LEO1: variants seen among roughly 807,000 people sequenced by gnomAD.
The protein encoded by LEO1 is LEO1 component of Paf1/RNA polymerase II complex.
In LEO1, 34 loss-of-function variants were observed where a neutral mutation model predicts 80.4. That is an observed-to-expected ratio of 0.42 (90% CI 0.32 to 0.56). The LOEUF (loss-of-function observed/expected upper bound fraction) is 0.56. Among genes scored for constraint, LEO1 ranks in the 20% least tolerant of loss-of-function variants. LEO1 has a pLI of 0.10. For synonymous variants in LEO1, 262 were observed against 274.9 expected, an observed-to-expected ratio of 0.95 and a Z score of 0.46; for missense variants, 631 against 814.2, an observed-to-expected ratio of 0.77 and a Z score of 2.74.
At chr15:51,942,706 G>C (rs2056863946) in intron 11 of LEO1, among the ~76,000 whole-genome samples, 1 of 152,064 alleles carries the variant, frequency 6.6e-6, no homozygotes, top group Non-Finnish European at 1.5e-5. Context: ...TGGATCACCT[G>C]ATGTCAGGAG....
chr15:51,970,882 T>A (rs1566890161), intron 1 of LEO1, among the ~76,000 whole-genome samples: 1 of 152,198 alleles, frequency 6.6e-6, no homozygotes, highest in Non-Finnish European at 1.5e-5. Flanking sequence ...ACTTGGAGGC[T>A]GAGGCAGAAG....
At chr15:51,957,270 C>G (rs2056996933) in intron 6 of LEO1, among the ~76,000 whole-genome samples, 1 of 152,036 alleles carries the variant, frequency 6.6e-6, no homozygotes, top group Non-Finnish European at 1.5e-5. Context: ...GAATAAGGAA[C>G]TACTATATTA....
intron 6 of LEO1, chr15:51,954,933 A>ATTTT (rs34049838): frequency 3.6e-5 from 5 of 140,582 alleles, no homozygotes; most frequent in South Asian, 2.1e-4. Flanking sequence ...TGAGGCAGAA[A>ATTTT]TTTTTTTTTT....
At chr15:51,939,407 T>TA (rs2056829172) in intron 11 of LEO1, among the ~76,000 whole-genome samples, 1 of 152,190 alleles carries the variant, frequency 6.6e-6, no homozygotes, top group South Asian at 2.1e-4. Flanking sequence ...TTATCCCAAA[T>TA]ACATTCCCAC....
rs145965567 is a variant in LEO1, at chr15:51,950,098, C to T, written c.1612-104G>A. ...AGCATGTAATGTCTGGTCCAGATAA[C>T]AGCTGTGCCGTGTGTGTTCCCCATC... On this transcript the variant is annotated intron_variant, in intron 9 of 11. Transcript: ENST00000299601. 13 of 1,010,940 alleles carry T rather than the reference C, an allele frequency of 1.3e-5. No individual in the cohort carries two copies. In the East Asian group the frequency reaches 3.1e-4, roughly 24 times the overall value. 62.6% of individuals were successfully genotyped at this position (1,010,940 alleles called of 1,614,324 possible).
intron 1 of LEO1, among the ~76,000 whole-genome samples, chr15:51,970,657 T>C (rs78485643): frequency 5.3e-5 from 8 of 152,210 alleles, no homozygotes; most frequent in East Asian, 1.9e-4. Flanking sequence ...ACAGAAACAA[T>C]AGCAGACAGG....
intron 8 of LEO1, among the ~76,000 whole-genome samples, 153 bp downstream of exon 8, chr15:51,952,976 A>G (rs780440422): frequency 2.0e-5 from 3 of 152,222 alleles, no homozygotes; most frequent in Non-Finnish European, 4.4e-5. Flanking sequence ...ATTTGACAAA[A>G]TAACCTTTGA....
At chr15:51,955,779 A>C (rs1235535695) in intron 6 of LEO1, among the ~76,000 whole-genome samples, 1 of 152,142 alleles carries the variant, frequency 6.6e-6, no homozygotes, top group African/African-American at 2.4e-5. Flanking sequence ...ATGTCTGTGC[A>C]GCTGGGTCCT....
chr15:51,966,571 C>T, intron 1 of LEO1, 67 bp from the exon 2 acceptor site: 1 of 863,814 alleles, frequency 1.2e-6, no homozygotes, highest in South Asian at 1.7e-5. Flanking sequence ...TCCCAAAGTC[C>T]ATCCCAACAT....
At chr15:51,952,690 C>G (rs749325318) in intron 8 of LEO1, among the ~76,000 whole-genome samples, 16 of 152,108 alleles carry the variant, frequency 1.1e-4, no homozygotes, top group Non-Finnish European at 2.2e-4. Flanking sequence ...TATTAGATGC[C>G]GGGGCCTACG....
intron 3 of LEO1, 99 bp downstream of exon 3, chr15:51,962,290 T>C: frequency 1.4e-6 from 1 of 700,620 alleles, no homozygotes; most frequent in South Asian, 2.1e-5. Context: ...TCTGTGGGTC[T>C]GGCGATCTGG....
In LEO1 at chr15:51,954,471, T is replaced by G; in HGVS notation, c.1340+10A>C. 1 of 1,586,628 alleles carries G rather than the reference T, an allele frequency of 6.3e-7. No homozygotes were observed. Among genetic ancestry groups the G allele is most frequent in the South Asian group, 1.1e-5 (1 of 90,570 alleles). ...GGTATGTCAATACCCTTCAGGCGTT[T>G]TGTGCTCACCTTCCATCTGACCACT... On this transcript the variant is annotated intron_variant, in intron 7 of 11. Transcript: ENST00000299601.
chr15:51,939,804 A>G (rs2436660), intron 11 of LEO1, among the ~76,000 whole-genome samples: 56,124 of 152,120 alleles, frequency 0.37, 10,666 homozygotes, highest in Middle Eastern at 0.43. Flanking sequence ...CACTAAAAGA[A>G]CTAGCATGGT....
rs576485456 is a variant in LEO1 at position 51,943,648 on chromosome 15, C to T, written c.1896+3644G>A. On this transcript the variant is annotated intron_variant, in intron 11 of 11. Coordinates refer to ENST00000299601, the MANE Select transcript of LEO1 (RefSeq NM_138792.4). ...CTGGGAGATGGAGGTGGCAGGGAGC[C>T]GAGATCGCACCACCGCACCCCTGCC... is the stretch of plus-strand genomic sequence containing the variant. Among the ~76,000 whole-genome samples the T allele has an allele frequency of 4.0e-5, 6 of 151,140 alleles. No homozygotes were observed. The East Asian group carries it at 5.8e-4, about 15-fold the overall frequency.
intron 5 of LEO1, among the ~76,000 whole-genome samples, chr15:51,959,358 C>T (rs1160069079): frequency 6.6e-6 from 1 of 152,124 alleles, no homozygotes; most frequent in African/African-American, 2.4e-5. Context: ...AAATAAAGTA[C>T]AAGCAAGGGT....
At chr15:51,942,921 C>CAA (rs546843495) in intron 11 of LEO1, among the ~76,000 whole-genome samples, 46 of 58,850 alleles carry the variant, frequency 7.8e-4, no homozygotes, top group Middle Eastern at 0.014. Flanking sequence ...GACTTTGTCT[C>CAA]AAAAAAAAAA....
chr15:51,947,436 G>A, intron 10 of LEO1, 47 bp from the exon 11 acceptor site: 1 of 1,358,356 alleles, frequency 7.4e-7, no homozygotes, highest in South Asian at 1.2e-5. Context: ...TTTTTTCTGA[G>A]ACAGGGTCTT....
chr15:51,966,584 A>C, intron 1 of LEO1, 80 bp from the exon 2 acceptor site: 1 of 796,738 alleles, frequency 1.3e-6, no homozygotes, highest in Non-Finnish European at 2.1e-6. Context: ...CCCAACATAA[A>C]AGCAATGAAG....
At position 51,947,343 on chromosome 15, in the gene LEO1, T is replaced by C. The variant is rs141685959; in HGVS notation, c.1845A>G (p.Glu615=). ...TGAGTAATCTTTGAGCTTTATCTTC[T>C]TCTGATCCCTCATCACTGTCTGATG... The part of the protein sequence containing the change: ...IYSSDSDEGS[E]EDKAQRLLKA... The change falls in exon 11 of 12, where the codon GAA becomes GAG. Residue 615 remains glutamate (E), a synonymous_variant. Transcript: ENST00000299601. 7 of 1,613,796 alleles carry C rather than the reference T, an allele frequency of 4.3e-6. No individual in the cohort carries two copies. In the African/African-American group the frequency reaches 9.3e-5, roughly 22 times the overall value.
Sources: allele counts gnomAD v4.1 joint callset (sites outside exome capture counted in the v4.1 genomes callset), GRCh38; gene constraint gnomAD v4.1.1; transcripts MANE v1.5; gene names NCBI Gene and HGNC (gene_info 2026-07-23, HGNC 2026-07-21).